KCNMA1: variants seen among roughly 807,000 people sequenced by gnomAD.
KCNMA1 encodes the protein potassium calcium-activated channel subfamily M alpha 1.
In KCNMA1, 29 loss-of-function variants were observed where a neutral mutation model predicts 140.0. That is an observed-to-expected ratio of 0.21 (90% CI 0.15 to 0.28). The LOEUF (loss-of-function observed/expected upper bound fraction) is 0.28. KCNMA1 is among the 10% of genes least tolerant of loss of function. KCNMA1 has a pLI of 1.00. For missense variants in KCNMA1, 880 were observed against 1,602.2 expected (o/e 0.55, Z 7.70); for synonymous variants, 612 against 611.9 (o/e 1.00, Z 0.00).
chr10:77,198,333 C>T (rs563168665), intron 3 of KCNMA1, among the ~76,000 whole-genome samples: 41 of 152,072 alleles, frequency 2.7e-4, no homozygotes, highest in African/African-American at 8.7e-4. Flanking sequence ...CGTGAAAGCT[C>T]GGGTGGTGCA....
At chr10:76,989,119 C>T (rs561698264) in intron 19 of KCNMA1, among the ~76,000 whole-genome samples, 4 of 151,168 alleles carry the variant, frequency 2.6e-5, no homozygotes, top group Admixed American at 2.0e-4. Context: ...TTACTAATAA[C>T]CCCCAAATCA....
At chr10:77,434,071 G>T (rs575211571) in intron 1 of KCNMA1, among the ~76,000 whole-genome samples, 1 of 152,242 alleles carries the variant, frequency 6.6e-6, no homozygotes, top group African/African-American at 2.4e-5. Flanking sequence ...CTCAACACAC[G>T]GGACATTTAT....
intron 2 of KCNMA1, among the ~76,000 whole-genome samples, chr10:77,262,375 A>C (rs1312500605): frequency 1.3e-5 from 2 of 152,218 alleles, no homozygotes; most frequent in African/African-American, 2.4e-5. Flanking sequence ...TCATTGAGAC[A>C]GGAAGTAGAA....
Position 77,456,504 on chromosome 10 carries a change from G to A in KCNMA1, c.379-52481C>T, listed in dbSNP as rs190326251. Among the ~76,000 whole-genome samples the A allele has an allele frequency of 1.2e-3, 180 of 152,246 alleles. 1 individual carries two copies. Among genetic ancestry groups the A allele is most frequent in the African/African-American group, 3.5e-3 (146 of 41,538 alleles). ...GTTTTCTGTTTCCACTTCTACCTCC[G>A]TGACAGCAGGGACATCATCTATCTT... On this transcript the variant is annotated intron_variant, in intron 1 of 27. Transcript: ENST00000286628.
At chr10:77,213,276 A>G (rs1332429169) in intron 3 of KCNMA1, among the ~76,000 whole-genome samples, 2 of 152,214 alleles carry the variant, frequency 1.3e-5, no homozygotes, top group Non-Finnish European at 2.9e-5. Flanking sequence ...AGTAGCTTTC[A>G]GCACCTATAC....
At chr10:76,972,696 C>T (rs1207644995) in intron 19 of KCNMA1, among the ~76,000 whole-genome samples, 3 of 152,142 alleles carry the variant, frequency 2.0e-5, no homozygotes, top group African/African-American at 7.2e-5. Flanking sequence ...CAAAATGAAA[C>T]TTGTGTTTAA....
At chr10:77,393,441 G>A (rs1054872335) in intron 2 of KCNMA1, among the ~76,000 whole-genome samples, 7 of 152,188 alleles carry the variant, frequency 4.6e-5, no homozygotes, top group Admixed American at 4.6e-4. Context: ...CAGAGGCACT[G>A]TTCTAAATAT....
intron 13 of KCNMA1, among the ~76,000 whole-genome samples, chr10:77,078,383 A>C (rs899933218): frequency 6.6e-6 from 1 of 152,238 alleles, no homozygotes; most frequent in African/African-American, 2.4e-5. Flanking sequence ...GAGAAGGAGC[A>C]CTGCCTTTGA....
intron 1 of KCNMA1, among the ~76,000 whole-genome samples, chr10:77,563,234 CA>C (rs762493004): frequency 1.3e-5 from 2 of 152,114 alleles, no homozygotes; most frequent in Non-Finnish European, 2.9e-5. Flanking sequence ...GCAGTAATTG[CA>C]AGGCCAAAAA....
chr10:77,538,140 CACAT>C (rs1412612794), intron 1 of KCNMA1, among the ~76,000 whole-genome samples: 1 of 151,670 alleles, frequency 6.6e-6, no homozygotes, highest in African/African-American at 2.4e-5. Context: ...ACTCTACATT[CACAT>C]ACACACTCTA....
chr10:77,033,996 C>T (rs557305424), intron 15 of KCNMA1, among the ~76,000 whole-genome samples: 2 of 152,304 alleles, frequency 1.3e-5, no homozygotes, highest in East Asian at 3.9e-4. Context: ...AATCCCAGCA[C>T]TTTGGGAGGC....
chr10:77,393,202 G>T (rs2095897844), intron 2 of KCNMA1, among the ~76,000 whole-genome samples: 1 of 152,182 alleles, frequency 6.6e-6, no homozygotes, highest in Non-Finnish European at 1.5e-5. Context: ...GGGGCATTCA[G>T]AGCCTTTCAG....
intron 21 of KCNMA1, among the ~76,000 whole-genome samples, chr10:76,952,595 T>A (rs112254633): frequency 0.031 from 4,754 of 152,322 alleles, 266 homozygotes; most frequent in African/African-American, 0.11. Flanking sequence ...CCTGGTCAGT[T>A]GGACAACAGC....
intron 16 of KCNMA1, chr10:77,025,553 T>A: frequency 9.8e-7 from 1 of 1,018,586 alleles, no homozygotes; most frequent in Non-Finnish European, 1.5e-6. Context: ...TTGTTTCAAA[T>A]CACTTGAAGG....
At chr10:77,439,625 T>C (rs1257317915) in intron 1 of KCNMA1, among the ~76,000 whole-genome samples, 3 of 152,168 alleles carry the variant, frequency 2.0e-5, no homozygotes, top group East Asian at 1.9e-4. Flanking sequence ...AGTCAACCCA[T>C]GGGCTCTCTG....
intron 2 of KCNMA1, among the ~76,000 whole-genome samples, chr10:77,385,410 A>G (rs949076440): frequency 1.1e-4 from 16 of 152,208 alleles, no homozygotes; most frequent in Admixed American, 7.2e-4. Context: ...CTACTGTACT[A>G]AGTACTTTAT....
At chr10:76,897,934 C>G (rs1001707145) in intron 25 of KCNMA1, among the ~76,000 whole-genome samples, 75 of 151,742 alleles carry the variant, frequency 4.9e-4, no homozygotes, top group African/African-American at 1.8e-3. Flanking sequence ...GAAAATACAT[C>G]TATAGAATGG....
chr10:77,637,788 C>T lies in KCNMA1; in HGVS notation c.-146G>A, dbSNP rs1472973633. On this transcript the variant is annotated 5_prime_UTR_variant, in exon 1 of 28. Coordinates refer to ENST00000286628, the MANE Select transcript of KCNMA1 (RefSeq NM_001161352.2). ...AGCGCGGGAGGGGGGCGGGGAGGCGCCTGGGCTCGGGGCGCTGTGCGCGAC... is the reference window on the plus strand; with the variant it reads ...AGCGCGGGAGGGGGGCGGGGAGGCGTCTGGGCTCGGGGCGCTGTGCGCGAC... The T allele has an allele frequency of 1.6e-6, 2 of 1,272,978 alleles. No individual in the cohort carries two copies. The highest frequency in any genetic ancestry group is 3.1e-5 in the African/African-American group (2 of 63,732). The allele number at this position is 1,272,978 out of a possible 1,614,324, so 78.9% of individuals were successfully genotyped here. A position where few individuals can be genotyped will look rare whatever the true frequency, so the allele number is the denominator to read the frequency against.
chr10:77,200,193 C>T lies in KCNMA1; in HGVS notation c.603-15277G>A, dbSNP rs183413312. On this transcript the variant is annotated intron_variant, in intron 3 of 27. Coordinates refer to ENST00000286628, the MANE Select transcript of KCNMA1 (RefSeq NM_001161352.2). ...CTCGAACTCCTGACCTCAGGTGATC[C>T]ACCTGTCTTGGCCTCCCAAAGTGCT... Among the ~76,000 whole-genome samples, 45 of 152,234 alleles carry T rather than the reference C, an allele frequency of 3.0e-4. 1 individual carries two copies. The East Asian group carries it at 8.1e-3, about 27-fold the overall frequency.
Sources: gnomAD v4.1 joint callset for allele counts (sites outside exome capture counted in the v4.1 genomes callset) on GRCh38, gnomAD v4.1.1 for gene constraint, MANE v1.5 for transcripts, NCBI Gene and HGNC (gene_info 2026-07-23, HGNC 2026-07-21) for gene names.